Variants in RBMS1 observed in about 807,000 individuals in gnomAD.
The protein encoded by RBMS1 is RNA-binding motif, single-stranded-interacting protein 1.
In RBMS1, 17 loss-of-function variants were observed where a neutral mutation model predicts 62.3. That is an observed-to-expected ratio of 0.27 (90% confidence interval 0.19 to 0.41). The LOEUF (loss-of-function observed/expected upper bound fraction) is 0.41, where lower values mean the gene tolerates loss of function less well. Ranked by LOEUF, RBMS1 falls within the 10% of genes least tolerant of loss-of-function variation. RBMS1 has a pLI of 1.00. For synonymous variants in RBMS1, 172 were observed against 170.0 expected (o/e 1.01, Z -0.09); for missense variants, 334 against 504.5 (o/e 0.66, Z 3.24).
At position 160,277,387 on chromosome 2, in the gene RBMS1, G is replaced by A; in HGVS notation, c.1063-4C>T. ...TAGCTGACGTTGCAGGCATGTACTA[G>A]AAAGAAGAATGAGGTCAGAATGGGC... On this transcript the variant is annotated splice_region_variant and splice_polypyrimidine_tract_variant and intron_variant, in intron 11 of 13. Transcript: ENST00000348849. 2 of 1,609,432 alleles carry A rather than the reference G, an allele frequency of 1.2e-6. No homozygotes were observed. The highest frequency in any genetic ancestry group is 1.7e-6 in the Non-Finnish European group (2 of 1,175,852).
chr2:160,490,316 A>C (rs931805550), intron 1 of RBMS1, among the ~76,000 whole-genome samples: 3 of 151,640 alleles, frequency 2.0e-5, no homozygotes, highest in African/African-American at 7.3e-5. Context: ...TAAAAAAAAA[A>C]AACAAAAAAC....
At chr2:160,411,142 A>G (rs1410993857) in intron 1 of RBMS1, among the ~76,000 whole-genome samples, 1 of 152,196 alleles carries the variant, frequency 6.6e-6, no homozygotes, top group Non-Finnish European at 1.5e-5. Context: ...AGCTGTGGGA[A>G]TCTGATCCAA....
At chr2:160,437,194 T>C (rs1266552186) in intron 1 of RBMS1, among the ~76,000 whole-genome samples, 1 of 152,200 alleles carries the variant, frequency 6.6e-6, no homozygotes, top group Non-Finnish European at 1.5e-5. Context: ...AACTTCATGG[T>C]TGCCCTTAGG....
intron 1 of RBMS1, among the ~76,000 whole-genome samples, chr2:160,376,616 T>C (rs1257734592): frequency 1.3e-5 from 2 of 151,990 alleles, no homozygotes; most frequent in Non-Finnish European, 2.9e-5. Context: ...TGTATTTCTT[T>C]TTTTTATTTT....
chr2:160,432,744 C>T (rs1682951985), intron 1 of RBMS1, among the ~76,000 whole-genome samples: 1 of 152,072 alleles, frequency 6.6e-6, no homozygotes, highest in Non-Finnish European at 1.5e-5. Context: ...ACGCAGGCCA[C>T]CTGGTGGCAA....
At chr2:160,379,631 G>A (rs1229664588) in intron 1 of RBMS1, among the ~76,000 whole-genome samples, 6 of 152,142 alleles carry the variant, frequency 3.9e-5, no homozygotes, top group Admixed American at 6.5e-5. Flanking sequence ...TACAGAAATC[G>A]GATGCAACAT....
chr2:160,397,762 A>G (rs1266816547), intron 1 of RBMS1, among the ~76,000 whole-genome samples: 1 of 152,058 alleles, frequency 6.6e-6, no homozygotes, highest in Non-Finnish European at 1.5e-5. Context: ...GGTATTTCCA[A>G]TGGCCCTTTA....
At chr2:160,285,192 G>C in intron 7 of RBMS1, 148 bp from the exon 8 acceptor site, 1 of 722,218 alleles carries the variant, frequency 1.4e-6, no homozygotes, top group Non-Finnish European at 2.4e-6. Flanking sequence ...CCAGGAGTTC[G>C]AGGCTGTAGT....
chr2:160,450,564 G>GAAAAAAAAAA (rs1181640365), intron 1 of RBMS1, among the ~76,000 whole-genome samples: 21 of 56,550 alleles, frequency 3.7e-4, no homozygotes, highest in South Asian at 5.4e-4. Context: ...AATAAAAAAT[G>GAAAAAAAAAA]AAAAAAAAAA....
chr2:160,369,117 T>G (rs1247306285), intron 1 of RBMS1, among the ~76,000 whole-genome samples: 5 of 152,222 alleles, frequency 3.3e-5, no homozygotes, highest in Non-Finnish European at 7.3e-5. Flanking sequence ...GAAATGCTAT[T>G]CACTGAAGGC....
intron 2 of RBMS1, among the ~76,000 whole-genome samples, chr2:160,364,926 A>G (rs1407246637): frequency 6.6e-6 from 1 of 152,078 alleles, no homozygotes; most frequent in Admixed American, 6.6e-5. Flanking sequence ...AGTTCTAAGT[A>G]TTTCTTTTCT....
intron 13 of RBMS1, among the ~76,000 whole-genome samples, chr2:160,275,161 T>C (rs528504540): frequency 2.0e-5 from 3 of 152,196 alleles, no homozygotes; most frequent in African/African-American, 2.4e-5. Context: ...GTTTTGAAAT[T>C]TGTGGTTCAA....
chr2:160,376,635 T>A (rs1694015082), intron 1 of RBMS1, among the ~76,000 whole-genome samples: 1 of 151,944 alleles, frequency 6.6e-6, no homozygotes, highest in Admixed American at 6.6e-5. Context: ...TTTTAATTTA[T>A]CTTATTTTAT....
At chr2:160,399,034 AC>A (rs1695303006) in intron 1 of RBMS1, among the ~76,000 whole-genome samples, 1 of 152,070 alleles carries the variant, frequency 6.6e-6, no homozygotes, top group Admixed American at 6.5e-5. Flanking sequence ...TTCAAACTCT[AC>A]CCTGCAGTCA....
rs1025495689 is a variant in RBMS1, at chr2:160,286,831, C to G, written c.756+138G>C. The G allele has an allele frequency of 4.7e-6, 7 of 1,494,294 alleles. No homozygotes were observed. In the African/African-American group the frequency reaches 9.8e-5, roughly 21 times the overall value. The allele number at this position is 1,494,294 out of a possible 1,614,324, so 92.6% of individuals were successfully genotyped here. On this transcript the variant is annotated intron_variant, in intron 7 of 13. Coordinates refer to ENST00000348849, the MANE Select transcript of RBMS1 (RefSeq NM_016836.4). ...TTGGCATCACTTGAATTATAATGTA[C>G]CGAAAGGAAGATTTAATCCTGGCAC...
chr2:160,316,490 G>C (rs977538246), intron 3 of RBMS1, among the ~76,000 whole-genome samples: 1 of 152,102 alleles, frequency 6.6e-6, no homozygotes, highest in Non-Finnish European at 1.5e-5. Context: ...TCTCTACTAT[G>C]GACCCTTACC....
At chr2:160,365,844 T>C (rs1000745927) in intron 2 of RBMS1, among the ~76,000 whole-genome samples, 6 of 152,180 alleles carry the variant, frequency 3.9e-5, no homozygotes, top group African/African-American at 9.7e-5. Context: ...GCAGAGGAGA[T>C]AGCAAAAGGC....
chr2:160,458,921 G>T (rs1202816871), intron 1 of RBMS1, among the ~76,000 whole-genome samples: 2 of 152,186 alleles, frequency 1.3e-5, no homozygotes, highest in African/African-American at 4.8e-5. Flanking sequence ...ATTCACTTTA[G>T]ATGCACACAG....
At chr2:160,333,565 C>T (rs1462743705) in intron 2 of RBMS1, among the ~76,000 whole-genome samples, 1 of 152,128 alleles carries the variant, frequency 6.6e-6, no homozygotes, top group Non-Finnish European at 1.5e-5. Flanking sequence ...TGCTTGTTTC[C>T]TCTCACAAAC....
Sources: allele counts gnomAD v4.1 joint callset (sites outside exome capture counted in the v4.1 genomes callset), GRCh38; gene constraint gnomAD v4.1.1; transcripts MANE v1.5; gene names NCBI Gene and HGNC (gene_info 2026-07-23, HGNC 2026-07-21).